RANBP2: variants seen among roughly 807,000 people sequenced by gnomAD.
RANBP2 encodes RAN binding protein 2, also known as E3 SUMO-protein ligase RanBP2.
Under a neutral mutation model 303.6 loss-of-function variants are expected in RANBP2, and 57 were observed. That is an observed-to-expected ratio of 0.19 (90% confidence interval 0.15 to 0.23). RANBP2 has a LOEUF of 0.23. RANBP2 is among the 10% of genes least tolerant of loss of function. The pLI is 1.00. For synonymous variants in RANBP2, 1,167 were observed against 1,301.5 expected (o/e 0.90, Z 2.23); for missense variants, 3,138 against 3,780.8 (o/e 0.83, Z 4.46).
At chr2:109,545,783 C>T in the RANBP2 span, 3 of 1,426,826 alleles carry the variant, frequency 2.1e-6, no homozygotes, top group African/African-American at 1.4e-5. Flanking sequence ...CTAACTGATC[C>T]TTTTCACACT....
the RANBP2 span, among the ~76,000 whole-genome samples, chr2:109,374,120 C>A: frequency 0.019 from 2,923 of 152,316 alleles, 94 homozygotes; most frequent in African/African-American, 0.061. Flanking sequence ...CCCCACACCC[C>A]CTCACAGGTT....
the RANBP2 span, among the ~76,000 whole-genome samples, chr2:109,506,914 C>G: frequency 6.6e-6 from 1 of 152,192 alleles, no homozygotes; most frequent in Non-Finnish European, 1.5e-5. Context: ...CATGCTAGGT[C>G]AAGCTGTGGT....
chr2:109,380,604 T>C, the RANBP2 span, among the ~76,000 whole-genome samples: 5 of 152,222 alleles, frequency 3.3e-5, no homozygotes, highest in Non-Finnish European at 5.9e-5. Flanking sequence ...CCCTGGGAGC[T>C]TCTGTGGGGA....
chr2:109,024,982 G>A, the RANBP2 span, among the ~76,000 whole-genome samples: 1 of 152,100 alleles, frequency 6.6e-6, no homozygotes, highest in Non-Finnish European at 1.5e-5. Context: ...CACCCCAGAT[G>A]GAACCTCTGC....
At chr2:108,826,676 A>C in the RANBP2 span, among the ~76,000 whole-genome samples, 2 of 152,130 alleles carry the variant, frequency 1.3e-5, no homozygotes, top group Non-Finnish European at 1.5e-5. Flanking sequence ...AATTTTGAAA[A>C]CAAAGTGTGA....
At chr2:109,321,344 A>G in the RANBP2 span, among the ~76,000 whole-genome samples, 1 of 152,268 alleles carries the variant, frequency 6.6e-6, no homozygotes, top group African/African-American at 2.4e-5. Context: ...TGCCTCTTCC[A>G]TACCAGAACG....
chr2:109,118,544 C>A, the RANBP2 span, among the ~76,000 whole-genome samples: 1 of 151,648 alleles, frequency 6.6e-6, no homozygotes, highest in African/African-American at 2.4e-5. Flanking sequence ...CGCAGCCGGC[C>A]ACTCAGCTGG....
chr2:109,363,404 C>G, the RANBP2 span, among the ~76,000 whole-genome samples: 1 of 152,114 alleles, frequency 6.6e-6, no homozygotes, highest in African/African-American at 2.4e-5. Flanking sequence ...ATTCATTTCT[C>G]TTGTACATGA....
the RANBP2 span, among the ~76,000 whole-genome samples, chr2:109,578,542 GA>G: frequency 0.89 from 135,280 of 152,166 alleles, 60,206 homozygotes; most frequent in Middle Eastern, 0.97. Context: ...GAGGAGGGTG[GA>G]ATCACCTGAG....
the RANBP2 span, among the ~76,000 whole-genome samples, chr2:109,403,072 T>G: frequency 1.3e-5 from 2 of 152,112 alleles, no homozygotes; most frequent in African/African-American, 4.8e-5. Flanking sequence ...AATGGACTGG[T>G]TTTGCTCTTT....
At chr2:108,786,879 A>AAGCCGCTACGGACTCGGGGGC (rs1678869939), downstream of RANBP2, 1 of 1,572,744 alleles carries the variant, frequency 6.4e-7, no homozygotes, top group African/African-American at 1.4e-5. Flanking sequence ...AGAGTCTCAA[A>AAGCCGCTACGGACTCGGGGGC]AGCCGCTACG....
At chr2:109,565,700 T>C in the RANBP2 span, 5 of 1,344,486 alleles carry the variant, frequency 3.7e-6, no homozygotes, top group Non-Finnish European at 5.3e-6. Flanking sequence ...AAAGAAGGCA[T>C]GACAGGTAGC....
At chr2:108,761,685 G>C (rs12473546) in intron 18 of RANBP2, among the ~76,000 whole-genome samples, 75,008 of 151,576 alleles carry the variant, frequency 0.49, 22,643 homozygotes, top group East Asian at 0.9. Flanking sequence ...ATACAACCTA[G>C]TCTTTCTGCA....
the RANBP2 span, among the ~76,000 whole-genome samples, chr2:109,027,364 A>G: frequency 2.0e-5 from 3 of 151,620 alleles, no homozygotes; most frequent in Admixed American, 6.6e-5. Flanking sequence ...GCCAGACCCC[A>G]GACATCTTGT....
chr2:109,307,849 G>A, the RANBP2 span, among the ~76,000 whole-genome samples: 3 of 135,708 alleles, frequency 2.2e-5, no homozygotes, highest in African/African-American at 6.3e-5. Flanking sequence ...TTGGTTCCAA[G>A]TCTTTGCTAT....
Position 108,719,596 on chromosome 2 carries a change from T to G in RANBP2, c.-11T>G. 1 of 1,602,232 alleles carries G rather than the reference T, an allele frequency of 6.2e-7. No individual in the cohort carries two copies. The highest frequency in any genetic ancestry group is 8.5e-7 in the Non-Finnish European group (1 of 1,175,904). The stretch of plus-strand genomic sequence containing the variant: ...GGTCTCACGCGCCTCGGGAGCCAGG[T>G]TGGCGGCGCGATGAGGCGCAGCAAG... On this transcript the variant is annotated 5_prime_UTR_variant, in exon 1 of 29. Transcript: ENST00000283195.
At chr2:108,817,371 C>T in the RANBP2 span, among the ~76,000 whole-genome samples, 1 of 151,888 alleles carries the variant, frequency 6.6e-6, no homozygotes, top group East Asian at 1.9e-4. Context: ...TGGCTCACTG[C>T]AGCCTCCACC....
At chr2:109,567,208 G>A in the RANBP2 span, among the ~76,000 whole-genome samples, 3 of 152,278 alleles carry the variant, frequency 2.0e-5, no homozygotes, top group East Asian at 3.9e-4. Context: ...GATATGTTAA[G>A]TCTCAGGGAG....
chr2:108,868,904 A>G, the RANBP2 span, among the ~76,000 whole-genome samples: 1 of 151,884 alleles, frequency 6.6e-6, no homozygotes, highest in African/African-American at 2.4e-5. Flanking sequence ...CTTTTGTGAA[A>G]GAAAAAAATG....
Sources: gnomAD v4.1 joint callset for allele counts (sites outside exome capture counted in the v4.1 genomes callset) on GRCh38, gnomAD v4.1.1 for gene constraint, MANE v1.5 for transcripts, NCBI Gene and HGNC (gene_info 2026-07-23, HGNC 2026-07-21) for gene names.